SLC23A2: variants seen among roughly 807,000 people sequenced by gnomAD.
SLC23A2 encodes the protein solute carrier family 23 member 2.
In SLC23A2, 36 loss-of-function variants were observed where a neutral mutation model predicts 73.3. The observed-to-expected ratio is 0.49, with a 90% confidence interval of 0.38 to 0.65. SLC23A2 has a LOEUF of 0.65. Among genes scored for constraint, SLC23A2 ranks in the 30% least tolerant of loss-of-function variants. The pLI is 0.00. For synonymous variants in SLC23A2, 343 were observed against 327.3 expected, an observed-to-expected ratio of 1.05 and a Z score of -0.52; for missense variants, 507 against 841.6, an observed-to-expected ratio of 0.60 and a Z score of 4.92.
At chr20:5,006,325 C>CT (rs946115157), upstream of SLC23A2, among the ~76,000 whole-genome samples, 50 of 151,918 alleles carry the variant, frequency 3.3e-4, 2 homozygotes, top group Admixed American at 3.1e-3. Context: ...TATTGAACTC[C>CT]TGACCTCTTG....
rs546311786 is a variant in SLC23A2, at chr20:4,877,444, T to A, written c.825-2748A>T. 2.0e-5 allele frequency among the ~76,000 whole-genome samples: 3 copies of A among 152,304 alleles called. No homozygotes were observed. The South Asian group carries it at 6.2e-4, about 32-fold the overall frequency. Reference sequence around the variant, plus strand: ...ATCTAAACATGCTGTCTCAGAGAAGTAAACCCAACAAATTATTGGGGTAAA... The same window carrying A: ...ATCTAAACATGCTGTCTCAGAGAAGAAAACCCAACAAATTATTGGGGTAAA... On this transcript the variant is annotated intron_variant, in intron 9 of 16. Coordinates refer to ENST00000338244, the MANE Select transcript of SLC23A2 (RefSeq NM_005116.6).
intron 2 of SLC23A2, among the ~76,000 whole-genome samples, chr20:4,937,303 A>G (rs918148135): frequency 6.6e-6 from 1 of 152,170 alleles, no homozygotes. Context: ...GACACTGGGG[A>G]AAGTGTGTGT....
chr20:4,991,490 G>A (rs576917857), intron 1 of SLC23A2, among the ~76,000 whole-genome samples: 72 of 152,180 alleles, frequency 4.7e-4, no homozygotes, highest in Middle Eastern at 3.4e-3. Context: ...TTGGGAGGCC[G>A]AGGCAGGTGG....
chr20:4,984,076 G>A (rs377512866), intron 1 of SLC23A2, among the ~76,000 whole-genome samples: 2 of 152,168 alleles, frequency 1.3e-5, no homozygotes, highest in East Asian at 1.9e-4. Flanking sequence ...GGACTCTTAC[G>A]ACTCAACAAT....
intron 1 of SLC23A2, among the ~76,000 whole-genome samples, chr20:4,995,299 C>T (rs1020018879): frequency 2.0e-5 from 3 of 152,096 alleles, no homozygotes; most frequent in Admixed American, 6.6e-5. Flanking sequence ...GCAAACAAGG[C>T]AGGAGCAAGA....
At chr20:4,986,689 C>CACACACAGAGAG (rs71197739) in intron 1 of SLC23A2, among the ~76,000 whole-genome samples, 115 of 129,952 alleles carry the variant, frequency 8.8e-4, no homozygotes, top group South Asian at 1.9e-3. Flanking sequence ...CACACACACA[C>CACACACAGAGAG]AGAGATGAAT....
chr20:4,874,495 T>C, intron 10 of SLC23A2, 81 bp downstream of exon 10: 1 of 1,391,456 alleles, frequency 7.2e-7, no homozygotes, highest in Non-Finnish European at 9.9e-7. Flanking sequence ...GAGGGCCTGC[T>C]TAAAACCCTC....
intron 3 of SLC23A2, among the ~76,000 whole-genome samples, chr20:4,920,862 A>C (rs906931561): frequency 7.9e-5 from 12 of 152,162 alleles, no homozygotes; most frequent in African/African-American, 2.7e-4. Context: ...CTATTCCCTC[A>C]AAGTGCTATC....
chr20:4,904,238 T>TA (rs929999997), intron 4 of SLC23A2, among the ~76,000 whole-genome samples: 47 of 152,326 alleles, frequency 3.1e-4, no homozygotes, highest in African/African-American at 1.1e-3. Flanking sequence ...GCCATACCTA[T>TA]ACGACAGATC....
intron 2 of SLC23A2, among the ~76,000 whole-genome samples, chr20:4,957,315 A>T (rs1259119794): frequency 2.0e-5 from 3 of 151,864 alleles, no homozygotes; most frequent in African/African-American, 4.8e-5. Context: ...TTTTCTAATT[A>T]CCTGGGCATG....
At chr20:4,886,771 T>TA (rs1465074110) in intron 6 of SLC23A2, among the ~76,000 whole-genome samples, 2 of 152,272 alleles carry the variant, frequency 1.3e-5, no homozygotes, top group East Asian at 3.9e-4. Context: ...GGTAAAATAT[T>TA]AAACTGACTC....
At chr20:4,915,459 G>T (rs1299121203) in intron 3 of SLC23A2, among the ~76,000 whole-genome samples, 1 of 152,148 alleles carries the variant, frequency 6.6e-6, no homozygotes, top group African/African-American at 2.4e-5. Context: ...TTCCTAAAAT[G>T]AGTAAGTACA....
intron 12 of SLC23A2, 112 bp from the exon 13 acceptor site, chr20:4,867,987 T>C: frequency 3.2e-6 from 2 of 616,954 alleles, no homozygotes; most frequent in Non-Finnish European, 5.7e-6. Context: ...GCCTGCAGCT[T>C]CCACATCTCC....
chr20:4,891,917 ATT>A (rs201445010), intron 6 of SLC23A2, among the ~76,000 whole-genome samples: 1 of 150,286 alleles, frequency 6.7e-6, no homozygotes, highest in Non-Finnish European at 1.5e-5. Flanking sequence ...CACCTGGCTA[ATT>A]TTTTTTTATG....
At chr20:5,004,475 T>A (rs1294500757), upstream of SLC23A2, among the ~76,000 whole-genome samples, 3 of 152,294 alleles carry the variant, frequency 2.0e-5, no homozygotes, top group African/African-American at 7.2e-5. Context: ...CCTGAAACTA[T>A]CCTTGTTATC....
At chr20:4,932,099 C>T (rs562216769) in intron 3 of SLC23A2, among the ~76,000 whole-genome samples, 1 of 152,336 alleles carries the variant, frequency 6.6e-6, no homozygotes, top group African/African-American at 2.4e-5. Flanking sequence ...ATTCATCCTC[C>T]CAGCTTGCAA....
At chr20:4,938,928 A>C (rs1254687761) in intron 2 of SLC23A2, among the ~76,000 whole-genome samples, 1 of 151,578 alleles carries the variant, frequency 6.6e-6, no homozygotes, top group African/African-American at 2.4e-5. Flanking sequence ...TCTGATCACC[A>C]CCTCATCATG....
At chr20:4,943,868 T>C (rs886521884) in intron 2 of SLC23A2, among the ~76,000 whole-genome samples, 4 of 152,274 alleles carry the variant, frequency 2.6e-5, no homozygotes, top group African/African-American at 9.6e-5. Flanking sequence ...TCTGCTGACG[T>C]GCCCGACAGC....
chr20:4,928,220 G>C (rs1396123867), intron 3 of SLC23A2, among the ~76,000 whole-genome samples: 1 of 151,914 alleles, frequency 6.6e-6, no homozygotes, highest in Non-Finnish European at 1.5e-5. Context: ...TTAAATTTTT[G>C]GTATGAATGA....
Sources: allele counts gnomAD v4.1 joint callset (sites outside exome capture counted in the v4.1 genomes callset), GRCh38; gene constraint gnomAD v4.1.1; transcripts MANE v1.5; gene names NCBI Gene and HGNC (gene_info 2026-07-23, HGNC 2026-07-21).